The following KLK7 variants were observed in gnomAD, a reference collection of about 807,000 sequenced individuals.
The protein encoded by KLK7 is kallikrein related peptidase 7, also known as kallikrein-7.
Under a neutral mutation model 21.0 loss-of-function variants are expected in KLK7, and 17 were observed. The observed-to-expected ratio is 0.81, with a 90% CI of 0.55 to 1.21. The LOEUF is 1.21. Among genes scored for constraint, KLK7 ranks in the 50% most tolerant of loss-of-function variants. The pLI, the probability that KLK7 is intolerant of heterozygous loss-of-function variation, is 0.00. For synonymous variants in KLK7, 151 were observed against 134.6 expected (o/e 1.12, Z -0.85); for missense variants, 330 against 322.8 (o/e 1.02, Z -0.17).
chr19:50,977,289 C>T lies in KLK7; in HGVS notation c.*247G>A, dbSNP rs189384188. 40 of 484,682 alleles carry T rather than the reference C, an allele frequency of 8.3e-5. No individual in the cohort carries two copies. The highest frequency in any genetic ancestry group is 6.4e-4 in the South Asian group (21 of 32,740). The allele number at this position is 484,682 out of a possible 1,614,324, so 30.0% of individuals were successfully genotyped here. A position where few individuals can be genotyped will look rare whatever the true frequency, so the allele number is the denominator to read the frequency against. On this transcript the variant is annotated 3_prime_UTR_variant, in exon 6 of 6. Coordinates refer to ENST00000595820, the MANE Select transcript of KLK7 (RefSeq NM_005046.4). ...GTGTCTTCCGTAAAGACTGTACGAA[C>T]GTCCAGTTCCAGTGTTTGAGAGTGC...
chr19:50,981,526 CAG>C (rs1455279692), intron 3 of KLK7, among the ~76,000 whole-genome samples: 1 of 119,560 alleles, frequency 8.4e-6, no homozygotes, highest in African/African-American at 3.3e-5. Flanking sequence ...GACAGAGACA[CAG>C]AGAGAGGGGA....
chr19:50,981,718 GA>G (rs1387788930), intron 3 of KLK7, 48 bp downstream of exon 3: 1 of 1,507,472 alleles, frequency 6.6e-7, no homozygotes, highest in Non-Finnish European at 8.9e-7. Flanking sequence ...CCCCCATAGC[GA>G]GCTGGAGACG....
intron 5 of KLK7, among the ~76,000 whole-genome samples, chr19:50,978,667 A>G (rs2091054135): frequency 7.0e-6 from 1 of 142,254 alleles, no homozygotes; most frequent in South Asian, 2.4e-4. Context: ...GGGAGAGGAG[A>G]GAGAGACTGG....
In KLK7 at chr19:50,977,522, A is replaced by G. The variant is rs778638425; in HGVS notation, c.*14T>C. 1 of 1,612,016 alleles carries G rather than the reference A, an allele frequency of 6.2e-7. No individual in the cohort carries two copies. The highest frequency in any genetic ancestry group is 1.1e-5 in the South Asian group (1 of 91,048). Reference sequence around the variant, plus strand: ...TTCTGTTGGAAGCACACAGTTAATTAACTCAGTGTGGCGTTAGCGATGCTT... The same window carrying G: ...TTCTGTTGGAAGCACACAGTTAATTGACTCAGTGTGGCGTTAGCGATGCTT... On this transcript the variant is annotated 3_prime_UTR_variant, in exon 6 of 6. Transcript: ENST00000595820.
chr19:50,983,241 CCA>C (rs2091104826), intron 1 of KLK7, among the ~76,000 whole-genome samples: 1 of 80,842 alleles, frequency 1.2e-5, no homozygotes, highest in Admixed American at 1.1e-4. Flanking sequence ...ACCCAGGAGT[CCA>C]GGCCCCAGCC....
At position 50,982,366 on chromosome 19, in the gene KLK7, A is replaced by G. The variant is rs2659067; in HGVS notation, c.34T>C (p.Leu12=). Reference sequence around the variant, plus strand: ...GTTTCCAAGGCTAAGGATAGCAGTAAGATCTGCAGGGGCAGGAGAAGGGAT... The same window carrying G: ...GTTTCCAAGGCTAAGGATAGCAGTAGGATCTGCAGGGGCAGGAGAAGGGAT... ...ARSLLLPLQI[L]LLSLALETAG... The change falls in exon 2 of 6, where the codon TTA becomes CTA. Residue 12 remains leucine, a synonymous_variant. Coordinates refer to ENST00000595820, the MANE Select transcript of KLK7 (RefSeq NM_005046.4). 1,476,327 of 1,610,458 alleles carry G rather than the reference A, an allele frequency of 0.92. 677,443 individuals are homozygous for G. The highest frequency in any genetic ancestry group is 1 in the East Asian group (44,802 of 44,824).
chr19:50,978,905 AGAGGAGAGAGGGAGGG>A (rs1387378704), intron 5 of KLK7, among the ~76,000 whole-genome samples: 1 of 100,322 alleles, frequency 1.0e-5, no homozygotes, highest in African/African-American at 7.1e-5. Flanking sequence ...GGGGGCAGGG[AGAGGAGAGAGGGAGGG>A]GAGGAGAGAG....
intron 1 of KLK7, 116 bp from the exon 2 acceptor site, chr19:50,982,573 ACCCAGGGG>A: frequency 1.0e-5 from 2 of 192,722 alleles, no homozygotes; most frequent in Admixed American, 2.3e-4. Flanking sequence ...CCTCCCTCAG[ACCCAGGGG>A]TCCAGGCCCC....
At chr19:50,979,020 CAG>C (rs1248467563) in intron 5 of KLK7, among the ~76,000 whole-genome samples, 1 of 151,330 alleles carries the variant, frequency 6.6e-6, no homozygotes, top group Non-Finnish European at 1.5e-5. Context: ...TAGCTCAACA[CAG>C]AGAAAAAACA....
intron 3 of KLK7, 106 bp from the exon 4 acceptor site, chr19:50,980,593 G>C: frequency 7.4e-7 from 1 of 1,358,122 alleles, no homozygotes; most frequent in Non-Finnish European, 1.0e-6. Flanking sequence ...GAGGAGGGGG[G>C]ACAGAGACAC....
chr19:50,983,611 C>T (rs1208093604), intron 1 of KLK7, among the ~76,000 whole-genome samples: 1 of 152,150 alleles, frequency 6.6e-6, no homozygotes, highest in Admixed American at 6.5e-5. Context: ...AATTCCTGTT[C>T]TTCAGATCCC....
At chr19:50,983,811 T>G in intron 1 of KLK7, 40 bp downstream of exon 1, 1 of 1,288,420 alleles carries the variant, frequency 7.8e-7, no homozygotes, top group Non-Finnish European at 1.0e-6. Context: ...AGCATCACCC[T>G]CTCCCCTACA....
chr19:50,982,071 G>A, intron 2 of KLK7, 157 bp from the exon 3 acceptor site: 1 of 906,870 alleles, frequency 1.1e-6, no homozygotes, highest in Non-Finnish European at 1.6e-6. Context: ...ACAGACAGAA[G>A]GAGCCCACTC....
At position 50,979,824 on chromosome 19, in the gene KLK7, G is replaced by A. The variant is rs1600109711; in HGVS notation, c.570C>T (p.Cys190=). ...TTTTCTTGGAGTCGGGGATGCCAGCGCACAGCATGGAATTTTCCAGTAAGT... is the reference window on the plus strand; with the variant it reads ...TTTTCTTGGAGTCGGGGATGCCAGCACACAGCATGGAATTTTCCAGTAAGT... ...YKDLLENSML[C]AGIPDSKKNA... The change falls in exon 5 of 6, where the codon TGC becomes TGT. Residue 190 remains cysteine (C), a synonymous_variant. Coordinates refer to ENST00000595820, the MANE Select transcript of KLK7 (RefSeq NM_005046.4). 6.3e-6 allele frequency: 10 copies of A among 1,576,410 alleles called. No homozygotes were observed. Among genetic ancestry groups the A allele is most frequent in the Admixed American group, 5.5e-5 (3 of 54,168 alleles).
rs2091040875 is a variant in KLK7, at chr19:50,976,609, G to A, written c.*927C>T. 6.6e-6 allele frequency: 1 copy of A among 152,188 alleles called. No individual in the cohort carries two copies. 9.4% of individuals were successfully genotyped at this position (152,188 alleles called of 1,614,324 possible). On this transcript the variant is annotated 3_prime_UTR_variant, in exon 6 of 6. Transcript: ENST00000595820. ...GACATGTGTTTTCAGATCTGATTCT[G>A]TGAATATTTCATTTTTTATGGGTAG...
At chr19:50,980,601 CA>C (rs2091071586) in intron 3 of KLK7, 114 bp from the exon 4 acceptor site, 1 of 1,270,478 alleles carries the variant, frequency 7.9e-7, no homozygotes. Context: ...GGGACAGAGA[CA>C]CAGAGAGAGG....
intron 3 of KLK7, among the ~76,000 whole-genome samples, chr19:50,980,996 C>G (rs1234523759): frequency 8.7e-6 from 1 of 115,150 alleles, no homozygotes; most frequent in Non-Finnish European, 1.6e-5. Flanking sequence ...GAGAGGGGGA[C>G]AGAGCCCCAG....
At chr19:50,979,663 G>A (rs1307962709) in intron 5 of KLK7, 125 bp downstream of exon 5, 3 of 907,772 alleles carry the variant, frequency 3.3e-6, no homozygotes, top group South Asian at 3.4e-5. Flanking sequence ...AAAAAGCTGA[G>A]GAGGCCAGGC....
intron 4 of KLK7, 44 bp from the exon 5 acceptor site, chr19:50,979,968 G>C: frequency 6.4e-7 from 1 of 1,568,174 alleles, no homozygotes; most frequent in Non-Finnish European, 8.7e-7. Flanking sequence ...AGAGGATGGG[G>C]GCGAGGACCA....
Sources: gnomAD v4.1 joint callset for allele counts (sites outside exome capture counted in the v4.1 genomes callset) on GRCh38, gnomAD v4.1.1 for gene constraint, MANE v1.5 for transcripts, NCBI Gene and HGNC (gene_info 2026-07-23, HGNC 2026-07-21) for gene names.